The following SNX29 variants were observed in gnomAD, a reference collection of about 807,000 sequenced individuals.
SNX29 encodes the protein sorting nexin-29.
Under a neutral mutation model 102.1 loss-of-function variants are expected in SNX29, and 78 were observed. The observed-to-expected ratio is 0.76, with a 90% confidence interval of 0.64 to 0.92. SNX29 has a LOEUF of 0.92. Among genes scored for constraint, SNX29 ranks in the 40% least tolerant of loss-of-function variants. The pLI, the probability that SNX29 is intolerant of heterozygous loss-of-function variation, is 0.00. For synonymous variants in SNX29, 580 were observed against 414.5 expected (o/e 1.40, Z -4.85); for missense variants, 1,280 against 1,061.7 (o/e 1.21, Z -2.86).
At chr16:12,539,791 G>A (rs1242868613) in intron 20 of SNX29, among the ~76,000 whole-genome samples, 2 of 152,172 alleles carry the variant, frequency 1.3e-5, no homozygotes, top group Non-Finnish European at 1.5e-5. Context: ...TAATGATGTT[G>A]AGCATATTTT....
At chr16:12,507,303 T>C (rs1308603785) in intron 19 of SNX29, among the ~76,000 whole-genome samples, 2 of 152,214 alleles carry the variant, frequency 1.3e-5, no homozygotes, top group Non-Finnish European at 2.9e-5. Context: ...AGCTGCTGTT[T>C]ATAGTCAGAG....
At chr16:12,566,915 G>T (rs1376498762) in intron 20 of SNX29, among the ~76,000 whole-genome samples, 1 of 152,216 alleles carries the variant, frequency 6.6e-6, no homozygotes, top group African/African-American at 2.4e-5. Flanking sequence ...ATTAAAAGGG[G>T]TCTTCATTTT....
intron 14 of SNX29, among the ~76,000 whole-genome samples, chr16:12,265,552 A>C (rs1192217337): frequency 6.6e-6 from 1 of 152,022 alleles, no homozygotes; most frequent in South Asian, 2.1e-4. Flanking sequence ...TCACTCTTGT[A>C]TTTGGCTTTT....
In SNX29 at chr16:12,012,494, C is replaced by T. The variant is rs541729348; in HGVS notation, c.122+9451C>T. On this transcript the variant is annotated intron_variant, in intron 3 of 20. Transcript: ENST00000566228. Reference sequence around the variant, plus strand: ...TGCAGTCTTGGCTCACTGCAACCTCCGCCTCCCACGTTCAAGTGATTCTCC... The same window carrying T: ...TGCAGTCTTGGCTCACTGCAACCTCTGCCTCCCACGTTCAAGTGATTCTCC... Among the ~76,000 whole-genome samples, 97 of 152,158 alleles carry T rather than the reference C, an allele frequency of 6.4e-4. 2 individuals are homozygous for T. The South Asian group carries it at 0.016, about 26-fold the overall frequency.
intron 15 of SNX29, among the ~76,000 whole-genome samples, chr16:12,333,405 G>A (rs1162959456): frequency 6.6e-6 from 1 of 152,012 alleles, no homozygotes; most frequent in African/African-American, 2.4e-5. Context: ...GCACCTGGCC[G>A]CAATCAGTTA....
intron 15 of SNX29, among the ~76,000 whole-genome samples, chr16:12,331,358 A>G (rs1596946098): frequency 6.6e-6 from 1 of 152,240 alleles, no homozygotes; most frequent in African/African-American, 2.4e-5. Flanking sequence ...GAAGCTGTCT[A>G]AACTTTGATT....
chr16:12,457,996 T>G (rs751535312), intron 18 of SNX29, among the ~76,000 whole-genome samples: 2 of 152,218 alleles, frequency 1.3e-5, no homozygotes, highest in African/African-American at 4.8e-5. Flanking sequence ...GTTCTGTTTG[T>G]TTTTCATTAC....
intron 11 of SNX29, among the ~76,000 whole-genome samples, chr16:12,121,235 G>A (rs1489334225): frequency 6.6e-6 from 1 of 152,164 alleles, no homozygotes; most frequent in African/African-American, 2.4e-5. Context: ...GTGTGCTTTC[G>A]TGGAGGTGCA....
chr16:12,558,607 C>T (rs12928486), intron 20 of SNX29, among the ~76,000 whole-genome samples: 31,866 of 152,200 alleles, frequency 0.21, 3,485 homozygotes, highest in East Asian at 0.43. Context: ...GCCACAGCTG[C>T]TCACACAGTG....
chr16:12,228,420 C>T (rs578108258), intron 14 of SNX29, among the ~76,000 whole-genome samples: 37 of 152,372 alleles, frequency 2.4e-4, no homozygotes, highest in African/African-American at 8.7e-4. Context: ...GCTGCTTTAC[C>T]TTGCCTCCAG....
intron 18 of SNX29, among the ~76,000 whole-genome samples, chr16:12,437,418 A>G (rs916639746): frequency 2.6e-5 from 4 of 152,188 alleles, no homozygotes; most frequent in Admixed American, 6.5e-5. Context: ...CTGTGAGGCA[A>G]TGGGTCAGGG....
chr16:12,563,524 A>G (rs2078849053), intron 20 of SNX29, among the ~76,000 whole-genome samples: 1 of 152,152 alleles, frequency 6.6e-6, no homozygotes. Context: ...GCATGTGAAA[A>G]ATTGAGTTGT....
At chr16:12,128,888 C>G (rs138629067) in intron 12 of SNX29, among the ~76,000 whole-genome samples, 97 of 152,326 alleles carry the variant, frequency 6.4e-4, no homozygotes, top group African/African-American at 2.0e-3. Context: ...ATGGTTGGCT[C>G]TCTCCTAGGC....
At chr16:12,069,191 A>G in intron 10 of SNX29, 59 bp downstream of exon 10, 2 of 1,433,284 alleles carry the variant, frequency 1.4e-6, no homozygotes, top group Non-Finnish European at 1.9e-6. Flanking sequence ...ACAGCTGTGC[A>G]TTTTATTCTT....
Position 12,054,927 on chromosome 16 carries a change from A to G in SNX29, c.1124+2705A>G, listed in dbSNP as rs564086317. The stretch of plus-strand genomic sequence containing the variant: ...TTGCTTTTTGTTATCAGCGGATCTC[A>G]AATGAATATTTTCACACGCAAGATT... On this transcript the variant is annotated intron_variant, in intron 8 of 20. Transcript: ENST00000566228. 3.3e-5 allele frequency among the ~76,000 whole-genome samples: 5 copies of G among 152,318 alleles called. No individual in the cohort carries two copies. In the East Asian group the frequency reaches 9.6e-4, roughly 29 times the overall value.
intron 3 of SNX29, among the ~76,000 whole-genome samples, chr16:12,006,146 G>T (rs1451067881): frequency 2.0e-5 from 3 of 151,684 alleles, no homozygotes; most frequent in Non-Finnish European, 4.4e-5. Context: ...CAAGGCTGCG[G>T]TGAGCTATGA....
At chr16:12,153,965 C>G (rs972979619) in intron 13 of SNX29, among the ~76,000 whole-genome samples, 4 of 152,170 alleles carry the variant, frequency 2.6e-5, no homozygotes, top group African/African-American at 7.2e-5. Flanking sequence ...GAGACGGTGT[C>G]CTCCCGCTTT....
At chr16:12,383,238 A>G (rs1233112548) in intron 16 of SNX29, among the ~76,000 whole-genome samples, 1 of 152,156 alleles carries the variant, frequency 6.6e-6, no homozygotes, top group Non-Finnish European at 1.5e-5. Context: ...TAGGGTGGAA[A>G]GATACATGCA....
chr16:12,388,206 T>C (rs1041232236), intron 16 of SNX29, among the ~76,000 whole-genome samples: 4 of 152,188 alleles, frequency 2.6e-5, no homozygotes, highest in African/African-American at 7.2e-5. Context: ...GCAGGTGTTA[T>C]AGAAGGAGCA....
Sources: allele counts gnomAD v4.1 joint callset (sites outside exome capture counted in the v4.1 genomes callset), GRCh38; gene constraint gnomAD v4.1.1; transcripts MANE v1.5; gene names NCBI Gene and HGNC (gene_info 2026-07-23, HGNC 2026-07-21).